Variants in AXL observed in about 807,000 individuals in gnomAD.
The protein encoded by AXL is AXL receptor tyrosine kinase.
In AXL, 52 loss-of-function variants were observed where a neutral mutation model predicts 104.5. The ratio of observed to expected loss-of-function variants is 0.50; its 90% CI spans 0.40 to 0.63. The LOEUF (loss-of-function observed/expected upper bound fraction) is 0.63. Ranked by LOEUF, AXL falls within the 20% of genes least tolerant of loss-of-function variation. AXL has a pLI of 0.00. For synonymous variants in AXL, 455 were observed against 473.7 expected (o/e 0.96, Z 0.51); for missense variants, 1,024 against 1,188.5 (o/e 0.86, Z 2.04).
In AXL at chr19:41,238,590, A is replaced by G; in HGVS notation, c.1115A>G (p.Gln372Arg). The G allele has an allele frequency of 1.2e-6, 2 of 1,612,090 alleles. No individual in the cohort carries two copies. Among genetic ancestry groups the G allele is most frequent in the South Asian group, 1.1e-5 (1 of 90,898 alleles). Residue 372 changes from glutamine to arginine, a missense_variant, in exon 8 of 20, where the codon CAA becomes CGA. By Grantham distance (43) the Gln-to-Arg change is conservative (BLOSUM62 1). This residue lies in a region of AXL where 332 missense variants were observed against 343.9 expected (regional missense o/e 0.97). Coordinates refer to ENST00000301178, the MANE Select transcript of AXL (RefSeq NM_021913.5). Reference protein sequence around the residue: ...GTLLGYRLAYQGQDTPEVLMD... With the variant: ...GTLLGYRLAYRGQDTPEVLMD... Reference sequence around the variant, plus strand: ...CTGTTAGGGTACCGGCTGGCGTATCAAGGCCAGGACACCCCAGAGGTGGGT... The same window carrying G: ...CTGTTAGGGTACCGGCTGGCGTATCGAGGCCAGGACACCCCAGAGGTGGGT...
intron 4 of AXL, among the ~76,000 whole-genome samples, chr19:41,224,217 G>A (rs1343613048): frequency 6.6e-6 from 1 of 151,922 alleles, no homozygotes; most frequent in Admixed American, 6.6e-5. Context: ...GAGGGTAGTG[G>A]GTTTGGGGCT....
chr19:41,249,711 G>A (rs1417190154), intron 14 of AXL, among the ~76,000 whole-genome samples: 17 of 151,622 alleles, frequency 1.1e-4, no homozygotes, highest in South Asian at 2.1e-4. Flanking sequence ...AGCCGAGATC[G>A]TGCCACTGCC....
At chr19:41,245,781 G>T (rs1351072110) in intron 12 of AXL, among the ~76,000 whole-genome samples, 1 of 151,672 alleles carries the variant, frequency 6.6e-6, no homozygotes, top group Non-Finnish European at 1.5e-5. Context: ...GAAAGAAAAT[G>T]GAAGAGCTAG....
intron 17 of AXL, among the ~76,000 whole-genome samples, chr19:41,254,979 T>G (rs1000300632): frequency 2.0e-5 from 3 of 152,248 alleles, no homozygotes; most frequent in Non-Finnish European, 4.4e-5. Flanking sequence ...CGATGAATTT[T>G]TATGGGTATA....
intron 12 of AXL, among the ~76,000 whole-genome samples, chr19:41,244,486 C>CTT (rs200418503): frequency 3.7e-4 from 53 of 144,516 alleles, no homozygotes; most frequent in African/African-American, 1.3e-3. Flanking sequence ...CTTTTTTTTT[C>CTT]TTTTTTTTTT....
At chr19:41,221,090 C>G in intron 2 of AXL, 56 bp from the exon 3 acceptor site, 1 of 1,517,410 alleles carries the variant, frequency 6.6e-7, no homozygotes, top group Non-Finnish European at 9.1e-7. Context: ...GACAGACCCC[C>G]TCCCAGTGTC....
In AXL at chr19:41,248,766, G is replaced by A. The variant is rs770071458; in HGVS notation, c.1657G>A (p.Gly553Ser). 5.0e-6 allele frequency: 8 copies of A among 1,613,986 alleles called. No homozygotes were observed. Among genetic ancestry groups the A allele is most frequent in the Non-Finnish European group, 6.8e-6 (8 of 1,180,012 alleles). The change falls in exon 14 of 20, where the codon GGC becomes AGC. Residue 553 changes from glycine to serine, a missense_variant. Transcript: ENST00000301178. ...AGGAGAGTTTGGAGCTGTGATGGAA[G>A]GCCAGCTCAACCAGGACGACTCCAT... ...GEGEFGAVME[G>S]QLNQDDSILK...
At chr19:41,243,051 G>A in intron 11 of AXL, 36 bp downstream of exon 11, 1 of 1,613,640 alleles carries the variant, frequency 6.2e-7, no homozygotes, top group Non-Finnish European at 8.5e-7. Flanking sequence ...TGTGTGGCCT[G>A]GGATGGAGAG....
chr19:41,244,782 C>T (rs573210024), intron 12 of AXL, among the ~76,000 whole-genome samples: 2 of 152,192 alleles, frequency 1.3e-5, no homozygotes, highest in South Asian at 2.1e-4. Context: ...TGAGCCACCA[C>T]GCCCAGCCAG....
rs143557558 is a variant in AXL at position 41,228,084 on chromosome 19, AGGG to A, written c.587-2880_587-2878del. Among the ~76,000 whole-genome samples the A allele has an allele frequency of 5.8e-4, 89 of 152,262 alleles. 3 individuals carry two copies. The East Asian group carries it at 0.016, about 28-fold the overall frequency. On this transcript the variant is annotated intron_variant, in intron 4 of 19. Transcript: ENST00000301178. ...CCTCAAAAAGTGAAACCTCGGATAA[AGGG>A]GGACTGATGTACGTTGTATAGCGGT... is the stretch of plus-strand genomic sequence containing the variant.
intron 1 of AXL, 81 bp downstream of exon 1, chr19:41,219,558 T>C: frequency 7.0e-7 from 1 of 1,438,418 alleles, no homozygotes; most frequent in Non-Finnish European, 9.5e-7. Context: ...TGATGGCAGG[T>C]GTGGGGGGCC....
chr19:41,244,687 T>C (rs2034242358), intron 12 of AXL, among the ~76,000 whole-genome samples: 1 of 152,236 alleles, frequency 6.6e-6, no homozygotes, highest in African/African-American at 2.4e-5. Context: ...ACTAACCCTG[T>C]CTTTGTTAGC....
intron 4 of AXL, among the ~76,000 whole-genome samples, chr19:41,224,634 TC>T (rs1885055892): frequency 2.0e-5 from 3 of 152,302 alleles, no homozygotes; most frequent in African/African-American, 7.2e-5. Flanking sequence ...TCCTCCCGCC[TC>T]GGCCTCCCAA....
intron 1 of AXL, 77 bp downstream of exon 1, chr19:41,219,554 C>T (rs2122192155): frequency 6.7e-7 from 1 of 1,482,940 alleles, no homozygotes; most frequent in Non-Finnish European, 9.1e-7. Context: ...GGGATGATGG[C>T]AGGTGTGGGG....
intron 19 of AXL, among the ~76,000 whole-genome samples, 191 bp downstream of exon 19, chr19:41,257,820 G>C (rs371339246): frequency 2.6e-5 from 4 of 152,292 alleles, no homozygotes; most frequent in Admixed American, 1.3e-4. Context: ...TCAGCTAAAG[G>C]CACCCTTTCC....
In AXL at chr19:41,220,702, C is replaced by T. The variant is rs568179015; in HGVS notation, c.152C>T (p.Thr51Met). 1.4e-5 allele frequency: 23 copies of T among 1,613,104 alleles called. No individual in the cohort carries two copies. Among genetic ancestry groups the T allele is most frequent in the Non-Finnish European group, 1.8e-5 (21 of 1,179,506 alleles). ...PGNITGARGL[T>M]GTLRCQLQVQ... ...AATATCACAGGTGCCCGGGGACTCA[C>T]GGGCACCCTTCGGTGTCAGCTCCAG... Residue 51 changes from threonine to methionine, a missense_variant, in exon 2 of 20, where the codon ACG becomes ATG. By Grantham distance (81) the Thr-to-Met change is moderately conservative. This residue lies in a region of AXL where 124 missense variants were observed against 115.5 expected (regional missense o/e 1.07). Coordinates refer to ENST00000301178, the MANE Select transcript of AXL (RefSeq NM_021913.5).
At chr19:41,223,510 T>C (rs1159030153) in intron 4 of AXL, among the ~76,000 whole-genome samples, 2 of 152,132 alleles carry the variant, frequency 1.3e-5, no homozygotes, top group African/African-American at 4.8e-5. Flanking sequence ...GCAGAGGCTC[T>C]GTAAAGGAAG....
At chr19:41,255,748 T>G (rs936824844) in intron 17 of AXL, among the ~76,000 whole-genome samples, 30 of 151,528 alleles carry the variant, frequency 2.0e-4, no homozygotes, top group African/African-American at 7.3e-4. Flanking sequence ...TTTTTTTTTT[T>G]GTTTGTTTTT....
chr19:41,238,215 G>A, intron 7 of AXL, 61 bp downstream of exon 7: 1 of 1,570,636 alleles, frequency 6.4e-7, no homozygotes, highest in Non-Finnish European at 8.8e-7. Flanking sequence ...TTATATCAGT[G>A]CCACCCCCAT....
Sources: allele counts gnomAD v4.1 joint callset (sites outside exome capture counted in the v4.1 genomes callset), GRCh38; gene constraint gnomAD v4.1.1; regional missense constraint gnomAD v4.1.1; transcripts MANE v1.5; gene names NCBI Gene and HGNC (gene_info 2026-07-23, HGNC 2026-07-21).